NIBAN1: variants seen among roughly 807,000 people sequenced by gnomAD.
The protein encoded by NIBAN1 is protein Niban 1.
Under a neutral mutation model 75.1 loss-of-function variants are expected in NIBAN1, and 81 were observed. The observed-to-expected ratio is 1.08, with a 90% confidence interval of 0.90 to 1.30. The LOEUF is 1.30. Ranked by LOEUF, NIBAN1 falls within the 50% of genes most tolerant of loss-of-function variation. NIBAN1 has a pLI of 0.00. For missense variants in NIBAN1, 1,133 were observed against 1,128.1 expected (o/e 1.00, Z -0.06); for synonymous variants, 436 against 424.8 (o/e 1.03, Z -0.32).
intron 6 of NIBAN1, among the ~76,000 whole-genome samples, chr1:184,826,549 G>T (rs1030756791): frequency 6.6e-6 from 1 of 152,174 alleles, no homozygotes; most frequent in Non-Finnish European, 1.5e-5. Context: ...CCAAGAGGAA[G>T]AGAGACCAAT....
chr1:184,853,121 T>C (rs1655589066), intron 5 of NIBAN1, among the ~76,000 whole-genome samples: 1 of 152,234 alleles, frequency 6.6e-6, no homozygotes, highest in Admixed American at 6.5e-5. Flanking sequence ...AACTTATATC[T>C]TTCTTTTTAT....
At chr1:184,964,730 T>C (rs1282363773) in intron 1 of NIBAN1, among the ~76,000 whole-genome samples, 1 of 152,186 alleles carries the variant, frequency 6.6e-6, no homozygotes, top group Admixed American at 6.5e-5. Context: ...GAGAGGTCTG[T>C]CCTGGCCAGT....
At chr1:184,810,266 G>T (rs560238275) in intron 9 of NIBAN1, among the ~76,000 whole-genome samples, 2 of 152,290 alleles carry the variant, frequency 1.3e-5, no homozygotes, top group South Asian at 2.1e-4. Flanking sequence ...CTTTTTCAGT[G>T]ATTCTTAAAC....
intron 10 of NIBAN1, among the ~76,000 whole-genome samples, chr1:184,806,762 C>CTTT (rs397863517): frequency 6.1e-5 from 8 of 131,198 alleles, no homozygotes; most frequent in African/African-American, 8.7e-5. Context: ...CAATATATAC[C>CTTT]TTTTTTTTTT....
chr1:184,806,784 G>A (rs1356656935), intron 10 of NIBAN1, among the ~76,000 whole-genome samples: 1 of 38,614 alleles, frequency 2.6e-5, no homozygotes, highest in East Asian at 7.6e-4. Flanking sequence ...TTTTTTTTTT[G>A]AGACACGGTT....
chr1:184,882,894 C>G (rs956198570), intron 5 of NIBAN1, among the ~76,000 whole-genome samples: 1 of 152,134 alleles, frequency 6.6e-6, no homozygotes, highest in Non-Finnish European at 1.5e-5. Context: ...GTCTCTAGAA[C>G]ATCAAAAACA....
At chr1:184,897,277 A>AGT (rs34548568) in intron 2 of NIBAN1, among the ~76,000 whole-genome samples, 16,352 of 132,436 alleles carry the variant, frequency 0.12, 1,085 homozygotes, top group African/African-American at 0.19. Context: ...TGTACTCCTA[A>AGT]GTGTGTGTGT....
chr1:184,865,327 G>A (rs971957387), intron 5 of NIBAN1, among the ~76,000 whole-genome samples: 2 of 152,254 alleles, frequency 1.3e-5, no homozygotes, highest in Admixed American at 1.3e-4. Flanking sequence ...GGAGGAAGCT[G>A]AAGGCCATTA....
chr1:184,876,423 C>A (rs1341999668), intron 5 of NIBAN1, among the ~76,000 whole-genome samples: 2 of 152,042 alleles, frequency 1.3e-5, no homozygotes, highest in Non-Finnish European at 2.9e-5. Flanking sequence ...TGGGGCCGGG[C>A]ATGGTGGCTA....
At chr1:184,946,236 G>T (rs538860026) in intron 1 of NIBAN1, among the ~76,000 whole-genome samples, 2 of 152,150 alleles carry the variant, frequency 1.3e-5, no homozygotes, top group East Asian at 1.9e-4. Context: ...TATTACTTTC[G>T]CAATTACTTC....
chr1:184,858,756 A>T (rs1655741725), intron 5 of NIBAN1, among the ~76,000 whole-genome samples: 1 of 152,228 alleles, frequency 6.6e-6, no homozygotes, highest in African/African-American at 2.4e-5. Context: ...ATCATGGGTG[A>T]TAGTGGTAAA....
At chr1:184,915,839 T>C (rs1007753719) in intron 1 of NIBAN1, among the ~76,000 whole-genome samples, 1 of 152,238 alleles carries the variant, frequency 6.6e-6, no homozygotes. Flanking sequence ...TGTCAGGTTG[T>C]TGACTTTAGG....
At position 184,932,487 on chromosome 1, in the gene NIBAN1, G is replaced by C. The variant is rs536634257; in HGVS notation, c.56-33178C>G. Among the ~76,000 whole-genome samples, 172 of 152,282 alleles carry C rather than the reference G, an allele frequency of 1.1e-3. 1 individual carries two copies. The highest frequency in any genetic ancestry group is 6.8e-3 in the Middle Eastern group (2 of 294). On this transcript the variant is annotated intron_variant, in intron 1 of 13. Coordinates refer to ENST00000367511, the MANE Select transcript of NIBAN1 (RefSeq NM_052966.4). ...AAGAATCTAATGCTGCCGCTGACCT[G>C]ACAGGAGGTGGAGCTCAGGTGGTAA...
At chr1:184,897,314 GTGT>G (rs1656826923) in intron 2 of NIBAN1, among the ~76,000 whole-genome samples, 1 of 151,106 alleles carries the variant, frequency 6.6e-6, no homozygotes, top group Non-Finnish European at 1.5e-5. Context: ...GTGTGTGTGT[GTGT>G]GGTGGGTGGG....
chr1:184,818,502 G>A, intron 9 of NIBAN1, 136 bp downstream of exon 9: 1 of 831,784 alleles, frequency 1.2e-6, no homozygotes, highest in East Asian at 2.6e-5. Context: ...AGAAAGGCTG[G>A]ATGAATGGAG....
chr1:184,939,481 T>C (rs1423265251), intron 1 of NIBAN1, among the ~76,000 whole-genome samples: 1 of 152,210 alleles, frequency 6.6e-6, no homozygotes, highest in Non-Finnish European at 1.5e-5. Context: ...AGTCAAACAT[T>C]ACTCCCTTTG....
In NIBAN1 at chr1:184,794,786, T is replaced by G; in HGVS notation, c.*191A>C. The G allele has an allele frequency of 1.4e-6, 1 of 712,860 alleles. No homozygotes were observed. The highest frequency in any genetic ancestry group is 1.8e-5 in the South Asian group (1 of 56,700). 44.2% of individuals were successfully genotyped at this position (712,860 alleles called of 1,614,324 possible). On this transcript the variant is annotated 3_prime_UTR_variant, in exon 14 of 14. Transcript: ENST00000367511. The stretch of plus-strand genomic sequence containing the variant: ...ATTAAAATACTAAAGCAAAAATTCA[T>G]CGTAGAACAATTCATGTCCACAAAG...
At chr1:184,910,787 A>C (rs1210050506) in intron 1 of NIBAN1, among the ~76,000 whole-genome samples, 4 of 152,186 alleles carry the variant, frequency 2.6e-5, no homozygotes, top group Non-Finnish European at 4.4e-5. Flanking sequence ...CCGATTGGGC[A>C]ATGTGGGTGG....
intron 5 of NIBAN1, among the ~76,000 whole-genome samples, chr1:184,876,911 G>A (rs1441166757): frequency 1.3e-5 from 2 of 152,062 alleles, no homozygotes; most frequent in Admixed American, 6.6e-5. Flanking sequence ...AATAACCTTG[G>A]TGCAAAAATC....
Sources: gnomAD v4.1 joint callset for allele counts (sites outside exome capture counted in the v4.1 genomes callset) on GRCh38, gnomAD v4.1.1 for gene constraint, MANE v1.5 for transcripts, NCBI Gene and HGNC (gene_info 2026-07-23, HGNC 2026-07-21) for gene names.